Variants in AP3B1 observed in about 807,000 individuals in gnomAD.
AP3B1 encodes the protein AP-3 complex subunit beta-1.
AP3B1 carries 61 observed loss-of-function variants against 132.5 expected under a neutral mutation model. The ratio of observed to expected loss-of-function variants is 0.46; its 90% confidence interval spans 0.37 to 0.57. The LOEUF is 0.57. Ranked by LOEUF, AP3B1 falls within the 20% of genes least tolerant of loss-of-function variation. The probability of loss-of-function intolerance (pLI) is 0.00; values close to 1 mark genes in which losing one functional copy is unlikely to be tolerated. For synonymous variants in AP3B1, 388 were observed against 438.3 expected, an observed-to-expected ratio of 0.89 and a Z score of 1.43; for missense variants, 1,120 against 1,289.4, an observed-to-expected ratio of 0.87 and a Z score of 2.01.
rs1467586756 is a variant in AP3B1 at position 78,143,104 on chromosome 5, T to TTATATATTGCTAG, written c.1474-1798_1474-1786dup. Among the ~76,000 whole-genome samples the TTATATATTGCTAG allele has an allele frequency of 4.6e-5, 7 of 152,234 alleles. No homozygotes were observed. In the East Asian group the frequency reaches 1.3e-3, roughly 29 times the overall value. On this transcript the variant is annotated intron_variant, in intron 14 of 26. Transcript: ENST00000255194. ...AGATTTATTTTTCTTAAATATTTTA[T>TTATATATTGCTAG]TATATATTGCTAGTATAAAAATCAG...
intron 2 of AP3B1, among the ~76,000 whole-genome samples, chr5:78,259,931 T>C (rs1328977227): frequency 6.6e-6 from 1 of 151,160 alleles, no homozygotes; most frequent in Non-Finnish European, 1.5e-5. Flanking sequence ...GATTGTGCCA[T>C]TGCACTCCAG....
At chr5:78,192,777 C>A (rs903246860) in intron 7 of AP3B1, among the ~76,000 whole-genome samples, 6 of 152,150 alleles carry the variant, frequency 3.9e-5, no homozygotes, top group African/African-American at 7.2e-5. Context: ...CAAAATGAAC[C>A]TCAGAGAGCT....
At chr5:78,050,492 T>C (rs2112123129) in intron 22 of AP3B1, among the ~76,000 whole-genome samples, 1 of 150,714 alleles carries the variant, frequency 6.6e-6, no homozygotes, top group African/African-American at 2.5e-5. Context: ...ACAGTGTCCT[T>C]AAAAATACTA....
intron 11 of AP3B1, among the ~76,000 whole-genome samples, chr5:78,166,630 A>C (rs1270651952): frequency 6.6e-6 from 1 of 152,238 alleles, no homozygotes; most frequent in Admixed American, 6.5e-5. Context: ...AGAGACAAAC[A>C]GAAGCAAATC....
At chr5:78,255,772 C>CA (rs781044720) in intron 2 of AP3B1, among the ~76,000 whole-genome samples, 24 of 152,062 alleles carry the variant, frequency 1.6e-4, no homozygotes, top group Admixed American at 9.8e-4. Flanking sequence ...ACCTTTTATC[C>CA]AAGAGCTGCA....
At chr5:78,115,300 A>G (rs1458544652) in intron 18 of AP3B1, among the ~76,000 whole-genome samples, 1 of 152,184 alleles carries the variant, frequency 6.6e-6, no homozygotes, top group African/African-American at 2.4e-5. Context: ...ACCTTACAGT[A>G]GGGTAGCAGA....
intron 7 of AP3B1, among the ~76,000 whole-genome samples, chr5:78,204,854 A>G (rs921008805): frequency 3.3e-5 from 5 of 152,032 alleles, no homozygotes; most frequent in African/African-American, 1.2e-4. Context: ...TTCAGGCCCC[A>G]TTTTCTTAAA....
At chr5:78,167,632 TACACACACACACACAC>T (rs77249088) in intron 11 of AP3B1, among the ~76,000 whole-genome samples, 1 of 146,102 alleles carries the variant, frequency 6.8e-6, no homozygotes, top group South Asian at 2.1e-4. Context: ...GTTATATATA[TACACACACACACACAC>T]ACACACACAC....
At chr5:78,248,516 A>G (rs12520600) in intron 2 of AP3B1, among the ~76,000 whole-genome samples, 3 of 129,824 alleles carry the variant, frequency 2.3e-5, no homozygotes, top group Admixed American at 7.6e-5. Context: ...AAAAAAAAAA[A>G]GAAAAGAAAA....
chr5:78,175,459 C>T (rs543917935), intron 11 of AP3B1, among the ~76,000 whole-genome samples, 167 bp downstream of exon 11: 62 of 152,196 alleles, frequency 4.1e-4, no homozygotes, highest in African/African-American at 1.4e-3. Context: ...GAATGTAGTA[C>T]AGTAATTAGT....
intron 1 of AP3B1, among the ~76,000 whole-genome samples, chr5:78,292,964 C>A (rs974714475): frequency 3.9e-5 from 6 of 151,998 alleles, no homozygotes; most frequent in African/African-American, 1.4e-4. Context: ...CTGCAGCTTC[C>A]GCCTCCCGGG....
At chr5:78,035,312 T>G (rs1374764649) in intron 23 of AP3B1, among the ~76,000 whole-genome samples, 2 of 152,030 alleles carry the variant, frequency 1.3e-5, no homozygotes, top group Non-Finnish European at 2.9e-5. Flanking sequence ...ATTTTTGATT[T>G]CTACTTTGCT....
chr5:78,282,262 A>T (rs1001887936), intron 1 of AP3B1, among the ~76,000 whole-genome samples: 49 of 151,894 alleles, frequency 3.2e-4, no homozygotes, highest in African/African-American at 1.1e-3. Context: ...TCCTCTTTTT[A>T]TTTCTGTTAA....
At chr5:78,251,710 G>C (rs1747643982) in intron 2 of AP3B1, among the ~76,000 whole-genome samples, 2 of 152,186 alleles carry the variant, frequency 1.3e-5, no homozygotes, top group Admixed American at 1.3e-4. Context: ...TCGCCACCGA[G>C]GGCTACAGCA....
intron 24 of AP3B1, among the ~76,000 whole-genome samples, chr5:78,029,189 T>C (rs781537282): frequency 2.2e-4 from 34 of 152,236 alleles, no homozygotes; most frequent in Non-Finnish European, 4.4e-4. Flanking sequence ...AAATATACTA[T>C]GATTATGGCT....
rs976542118 is a variant in AP3B1, at chr5:78,002,961, T to C, written c.3226A>G (p.Lys1076Glu). 2 of 1,614,068 alleles carry C rather than the reference T, an allele frequency of 1.2e-6. No individual in the cohort carries two copies. Among genetic ancestry groups the C allele is most frequent in the African/African-American group, 1.3e-5 (1 of 74,914 alleles). ...AGCAGAACAGAGCCAATCACAGTTT[T>C]CTCAGTGTTTATGATAAGCTGGGCT... ...STAQLIINTE[K>E]TVIGSVLLRE... The change falls in exon 27 of 27, where the codon AAA becomes GAA. Residue 1076 changes from lysine (K) to glutamate (E), a missense_variant. Coordinates refer to ENST00000255194, the MANE Select transcript of AP3B1 (RefSeq NM_003664.5).
intron 2 of AP3B1, among the ~76,000 whole-genome samples, chr5:78,264,650 C>T (rs1748243455): frequency 6.6e-6 from 1 of 152,144 alleles, no homozygotes; most frequent in African/African-American, 2.4e-5. Context: ...CAAGCAACAG[C>T]CCCAAGTTGA....
intron 2 of AP3B1, among the ~76,000 whole-genome samples, chr5:78,255,393 G>A (rs1580550791): frequency 6.6e-6 from 1 of 151,922 alleles, no homozygotes; most frequent in Admixed American, 6.6e-5. Flanking sequence ...GAAAACAAAG[G>A]TATGGAAAAT....
intron 22 of AP3B1, among the ~76,000 whole-genome samples, chr5:78,061,387 C>T (rs1462780805): frequency 6.6e-6 from 1 of 152,120 alleles, no homozygotes; most frequent in African/African-American, 2.4e-5. Context: ...TCTACAGGTT[C>T]TAGTAAATAA....
Sources: gnomAD v4.1 joint callset for allele counts (sites outside exome capture counted in the v4.1 genomes callset) on GRCh38, gnomAD v4.1.1 for gene constraint, MANE v1.5 for transcripts, NCBI Gene and HGNC (gene_info 2026-07-23, HGNC 2026-07-21) for gene names.